The following RWDD2B variants were observed in gnomAD, a reference collection of about 807,000 sequenced individuals.
RWDD2B encodes RWD domain containing 2B.
RWDD2B carries 36 observed loss-of-function variants against 33.6 expected under a neutral mutation model. The observed-to-expected ratio is 1.07, with a 90% confidence interval of 0.82 to 1.42. The LOEUF (loss-of-function observed/expected upper bound fraction) is 1.42. RWDD2B is among the 40% of genes most tolerant of loss of function. The pLI is 0.00. For missense variants in RWDD2B, 364 were observed against 377.5 expected, an observed-to-expected ratio of 0.96 and a Z score of 0.30; for synonymous variants, 126 against 133.1, an observed-to-expected ratio of 0.95 and a Z score of 0.37.
At chr21:29,012,870 C>T (rs1005733478) in intron 1 of RWDD2B, among the ~76,000 whole-genome samples, 15 of 151,892 alleles carry the variant, frequency 9.9e-5, no homozygotes, top group African/African-American at 1.7e-4. Flanking sequence ...TAAAAGGTGA[C>T]GGAAGTTTCC....
At chr21:29,010,793 G>A (rs1428087166) in intron 1 of RWDD2B, among the ~76,000 whole-genome samples, 1 of 151,084 alleles carries the variant, frequency 6.6e-6, no homozygotes, top group Non-Finnish European at 1.5e-5. Flanking sequence ...TCAGCCTGCC[G>A]AGTGCCTGCG....
intron 1 of RWDD2B, among the ~76,000 whole-genome samples, chr21:29,010,625 A>AT (rs2084852303): frequency 2.8e-5 from 4 of 141,314 alleles, no homozygotes; most frequent in South Asian, 4.6e-4. Context: ...AAAAATAAAA[A>AT]AAAAAAACCA....
At chr21:29,011,750 G>T (rs541673079) in intron 1 of RWDD2B, among the ~76,000 whole-genome samples, 1 of 113,048 alleles carries the variant, frequency 8.8e-6, no homozygotes, top group Non-Finnish European at 1.8e-5. Flanking sequence ...CAGCCGCCCC[G>T]TCCGGGAGGG....
rs925866454 is a variant in RWDD2B at position 29,018,759 on chromosome 21, G to C, written c.67+452C>G. Among the ~76,000 whole-genome samples the C allele has an allele frequency of 5.5e-4, 84 of 152,346 alleles. 1 individual carries two copies. The highest frequency in any genetic ancestry group is 1.9e-3 in the African/African-American group (78 of 41,590). Reference sequence around the variant, plus strand: ...TAATCCCAGCACTTTGGGAGGCAGAGGAAGGGGGACTGCTTGAGCCCAGGA... The same window carrying C: ...TAATCCCAGCACTTTGGGAGGCAGACGAAGGGGGACTGCTTGAGCCCAGGA... On this transcript the variant is annotated intron_variant, in intron 1 of 4. Transcript: ENST00000493196.
chr21:29,005,676 T>G lies in RWDD2B; in HGVS notation c.*741A>C, dbSNP rs1002104785. On this transcript the variant is annotated 3_prime_UTR_variant, in exon 5 of 5. Coordinates refer to ENST00000493196, the MANE Select transcript of RWDD2B (RefSeq NM_016940.3). ...TCGCTTGAACTTGGGAGGCGGAGGT[T>G]GCAGTGAGCGGAGGTTGCACCATTG... 1.7e-4 allele frequency: 26 copies of G among 152,324 alleles called. No homozygotes were observed. The highest frequency in any genetic ancestry group is 6.3e-4 in the African/African-American group (26 of 41,510). 9.4% of individuals were successfully genotyped at this position (152,324 alleles called of 1,614,324 possible). A position where few individuals can be genotyped will look rare whatever the true frequency, so the allele number is the denominator to read the frequency against.
intron 1 of RWDD2B, among the ~76,000 whole-genome samples, chr21:29,013,513 C>T (rs1202719359): frequency 1.3e-5 from 2 of 151,776 alleles, no homozygotes; most frequent in African/African-American, 4.8e-5. Flanking sequence ...CACAGTGAAA[C>T]CCCACCTCTA....
intron 1 of RWDD2B, among the ~76,000 whole-genome samples, chr21:29,013,688 C>CA (rs543309731): frequency 0.16 from 9,578 of 58,710 alleles, 948 homozygotes; most frequent in African/African-American, 0.35. Context: ...GACTCCGTCT[C>CA]AAAAAAAAAA....
Position 29,006,604 on chromosome 21 carries a change from T to TA in RWDD2B, c.772_773insT (p.Asp258ValfsTer5). 1 of 1,611,120 alleles carries TA rather than the reference T, an allele frequency of 6.2e-7. No homozygotes were observed. Among genetic ancestry groups the TA allele is most frequent in the South Asian group, 1.1e-5 (1 of 90,118 alleles). ...ATCATTTGTACCATCAAAAGGAATG[T>TA]CTTCTCGATGGCGAATTAAAATTCT... is the stretch of plus-strand genomic sequence containing the variant. On this transcript the variant is annotated frameshift_variant, in exon 5 of 5. Transcript: ENST00000493196. LOFTEE classifies it high-confidence loss of function.
intron 4 of RWDD2B, among the ~76,000 whole-genome samples, chr21:29,007,513 C>A (rs1180591133): frequency 6.6e-6 from 1 of 152,016 alleles, no homozygotes; most frequent in Admixed American, 6.5e-5. Context: ...ACTTTTTTTG[C>A]ATTTATATTT....
chr21:29,012,184 C>T (rs1444674860), intron 1 of RWDD2B, among the ~76,000 whole-genome samples: 2 of 132,910 alleles, frequency 1.5e-5, no homozygotes, highest in Non-Finnish European at 3.3e-5. Context: ...TCAGCCCCCC[C>T]CCGGGAGGTG....
chr21:29,019,199 G>C lies in RWDD2B; in HGVS notation c.67+12C>G. On this transcript the variant is annotated intron_variant, in intron 1 of 4. Coordinates refer to ENST00000493196, the MANE Select transcript of RWDD2B (RefSeq NM_016940.3). ...GGCGGTCACCACTGGCGCTAGCTGA[G>C]GCGAGACTCACCTTGAGCCGTGGCC... is the stretch of plus-strand genomic sequence containing the variant. The C allele has an allele frequency of 6.3e-7, 1 of 1,591,412 alleles. No individual in the cohort carries two copies. Among genetic ancestry groups the C allele is most frequent in the East Asian group, 2.3e-5 (1 of 44,312 alleles).
At chr21:29,012,174 T>G (rs2084866589) in intron 1 of RWDD2B, among the ~76,000 whole-genome samples, 1 of 34,718 alleles carries the variant, frequency 2.9e-5, no homozygotes, top group Non-Finnish European at 5.5e-5. Flanking sequence ...GTGGGGGTGG[T>G]CAGCCCCCCC....
intron 1 of RWDD2B, among the ~76,000 whole-genome samples, chr21:29,017,185 T>C (rs2084894623): frequency 6.6e-6 from 1 of 152,098 alleles, no homozygotes; most frequent in Admixed American, 6.6e-5. Flanking sequence ...ATTACTATTA[T>C]TATTATTGGT....
At chr21:29,019,167 C>A (rs1001600311) in intron 1 of RWDD2B, 44 bp downstream of exon 1, 2 of 1,508,860 alleles carry the variant, frequency 1.3e-6, no homozygotes, top group African/African-American at 1.4e-5. Context: ...GCGTGGGAAA[C>A]CCCCGTGGCG....
Position 29,012,123 on chromosome 21 carries a change from G to A in RWDD2B, c.68-3502C>T, listed in dbSNP as rs1253335245. Among the ~76,000 whole-genome samples, 126 of 142,202 alleles carry A rather than the reference G, an allele frequency of 8.9e-4. 2 individuals carry two copies. Among genetic ancestry groups the A allele is most frequent in the African/African-American group, 3.0e-3 (112 of 37,810 alleles). 93.3% of individuals were successfully genotyped at this position (142,202 alleles called of 152,430 possible). A position where few individuals can be genotyped will look rare whatever the true frequency, so the allele number is the denominator to read the frequency against. On this transcript the variant is annotated intron_variant, in intron 1 of 4. Coordinates refer to ENST00000493196, the MANE Select transcript of RWDD2B (RefSeq NM_016940.3). ...CCCCGTCCGGGAGGGAGGTTGGGGG[G>A]TCAGCCCCCCGCCCGGCCAGCCGCC...
chr21:29,012,328 A>G (rs1439554341), intron 1 of RWDD2B, among the ~76,000 whole-genome samples: 2 of 152,084 alleles, frequency 1.3e-5, no homozygotes, highest in Non-Finnish European at 2.9e-5. Context: ...TGTGGAATAG[A>G]AAGGGGGGAA....
intron 1 of RWDD2B, 46 bp from the exon 2 acceptor site, chr21:29,008,667 G>A: frequency 7.8e-7 from 1 of 1,280,872 alleles, no homozygotes; most frequent in Middle Eastern, 1.9e-4. Context: ...TGCAATCTTG[G>A]AAGAAATGAA....
At position 29,018,188 on chromosome 21, in the gene RWDD2B, G is replaced by A. The variant is rs537808306; in HGVS notation, c.67+1023C>T. On this transcript the variant is annotated intron_variant, in intron 1 of 4. Transcript: ENST00000493196. The stretch of plus-strand genomic sequence containing the variant: ...GTTCTGGATACATGCAGAGAACAGA[G>A]GCAACAGGATTTACAGATGAATTAC... Among the ~76,000 whole-genome samples the A allele has an allele frequency of 7.9e-5, 12 of 152,302 alleles. No individual in the cohort carries two copies. The South Asian group carries it at 2.3e-3, about 29-fold the overall frequency.
In RWDD2B at chr21:29,004,944, G is replaced by T. The variant is rs1020551228; in HGVS notation, c.*1473C>A. The T allele has an allele frequency of 2.0e-5, 3 of 152,080 alleles. No individual in the cohort carries two copies. Among genetic ancestry groups the T allele is most frequent in the Admixed American group, 6.5e-5 (1 of 15,268 alleles). The allele number at this position is 152,080 out of a possible 1,614,324, so 9.4% of individuals were successfully genotyped here. A position where few individuals can be genotyped will look rare whatever the true frequency, so the allele number is the denominator to read the frequency against. Reference sequence around the variant, plus strand: ...CAACCTTTTACTAACTTAATGCATTGTCTCTCACCCCAACTCCATTCCTTA... The same window carrying T: ...CAACCTTTTACTAACTTAATGCATTTTCTCTCACCCCAACTCCATTCCTTA... On this transcript the variant is annotated 3_prime_UTR_variant, in exon 5 of 5. Transcript: ENST00000493196.
Sources: allele counts gnomAD v4.1 joint callset (sites outside exome capture counted in the v4.1 genomes callset), GRCh38; gene constraint gnomAD v4.1.1; transcripts MANE v1.5; gene names NCBI Gene and HGNC (gene_info 2026-07-23, HGNC 2026-07-21).